WDR70: variants seen among roughly 807,000 people sequenced by gnomAD.
WDR70 encodes the protein WD repeat domain 70, also known as WD repeat-containing protein 70.
Under a neutral mutation model 88.6 loss-of-function variants are expected in WDR70, and 53 were observed. That is an observed-to-expected ratio of 0.60 (90% CI 0.48 to 0.75). The LOEUF is 0.75. Among genes scored for constraint, WDR70 ranks in the 30% least tolerant of loss-of-function variants. WDR70 has a pLI of 0.00. For synonymous variants in WDR70, 280 were observed against 270.0 expected (o/e 1.04, Z -0.36); for missense variants, 610 against 823.2 (o/e 0.74, Z 3.17).
At chr5:37,449,823 C>T (rs1455587023) in intron 7 of WDR70, among the ~76,000 whole-genome samples, 3 of 151,912 alleles carry the variant, frequency 2.0e-5, no homozygotes, top group African/African-American at 4.8e-5. Context: ...TAGGTATACA[C>T]GTACCATGAT....
chr5:37,418,755 TTTCTTC>T (rs986803082), intron 5 of WDR70, among the ~76,000 whole-genome samples: 21 of 152,108 alleles, frequency 1.4e-4, no homozygotes, highest in Non-Finnish European at 8.8e-5. Flanking sequence ...ATCAGTAATT[TTTCTTC>T]TTCTTTTTTT....
chr5:37,449,119 G>A (rs1200398515), intron 7 of WDR70, among the ~76,000 whole-genome samples: 2 of 152,196 alleles, frequency 1.3e-5, no homozygotes, highest in Non-Finnish European at 2.9e-5. Flanking sequence ...GAAAAATTTG[G>A]CTCCACTTCC....
intron 17 of WDR70, among the ~76,000 whole-genome samples, chr5:37,742,245 T>C (rs1248751998): frequency 6.6e-6 from 1 of 151,014 alleles, no homozygotes; most frequent in Non-Finnish European, 1.5e-5. Flanking sequence ...TCCTGGCCAA[T>C]ACTTGTTATT....
At chr5:37,743,058 G>GA (rs1368493899) in intron 17 of WDR70, among the ~76,000 whole-genome samples, 5 of 152,218 alleles carry the variant, frequency 3.3e-5, no homozygotes, top group East Asian at 3.9e-4. Context: ...GCTCCCATTG[G>GA]AAAAAAACAT....
intron 8 of WDR70, among the ~76,000 whole-genome samples, chr5:37,486,134 G>A (rs889509113): frequency 5.3e-5 from 8 of 152,004 alleles, no homozygotes; most frequent in South Asian, 2.1e-4. Context: ...TTTCTAGACC[G>A]TAACTACACT....
intron 9 of WDR70, among the ~76,000 whole-genome samples, chr5:37,539,428 T>C (rs1741752741): frequency 6.6e-6 from 1 of 152,178 alleles, no homozygotes; most frequent in Admixed American, 6.5e-5. Context: ...GAAAAGACCA[T>C]GTGAGGACAT....
At chr5:37,647,686 A>G (rs79873667) in intron 10 of WDR70, among the ~76,000 whole-genome samples, 10,206 of 152,278 alleles carry the variant, frequency 0.067, 417 homozygotes, top group South Asian at 0.14. Context: ...TCTCTGGATT[A>G]TCAGGCAGAG....
chr5:37,423,814 G>A (rs1369532944), intron 5 of WDR70, among the ~76,000 whole-genome samples: 4 of 145,082 alleles, frequency 2.8e-5, no homozygotes, highest in East Asian at 2.2e-4. Context: ...CGCCCGCCTC[G>A]GCCTCCCAAA....
intron 17 of WDR70, among the ~76,000 whole-genome samples, chr5:37,732,521 A>G (rs187784612): frequency 1.7e-4 from 26 of 152,216 alleles, no homozygotes; most frequent in Admixed American, 1.6e-3. Flanking sequence ...AACTTCAAGA[A>G]ATTTTTATCT....
chr5:37,542,638 A>T (rs1741862375), intron 9 of WDR70, among the ~76,000 whole-genome samples: 1 of 152,168 alleles, frequency 6.6e-6, no homozygotes, highest in Non-Finnish European at 1.5e-5. Context: ...CATGAAAGAA[A>T]GAGAGGTAAG....
At chr5:37,431,533 T>G (rs1007930344) in intron 5 of WDR70, among the ~76,000 whole-genome samples, 7 of 152,228 alleles carry the variant, frequency 4.6e-5, no homozygotes, top group African/African-American at 9.6e-5. Context: ...ACAGCCTTGA[T>G]GATTTTTTAA....
At chr5:37,593,591 A>G (rs1256422143) in intron 9 of WDR70, among the ~76,000 whole-genome samples, 1 of 152,216 alleles carries the variant, frequency 6.6e-6, no homozygotes, top group Non-Finnish European at 1.5e-5. Flanking sequence ...GCTATTGTGA[A>G]TAGTGCCACA....
intron 9 of WDR70, among the ~76,000 whole-genome samples, chr5:37,532,356 C>T (rs1255300269): frequency 6.6e-6 from 1 of 152,136 alleles, no homozygotes; most frequent in South Asian, 2.1e-4. Flanking sequence ...AATATGTTTT[C>T]CAAAGTTTTA....
intron 2 of WDR70, 73 bp from the exon 3 acceptor site, chr5:37,381,529 T>C: frequency 2.6e-6 from 3 of 1,148,088 alleles, no homozygotes; most frequent in Non-Finnish European, 3.9e-6. Flanking sequence ...TGTTTATTGA[T>C]CAGTATTGAT....
At chr5:37,507,430 A>C (rs1210501551) in intron 8 of WDR70, among the ~76,000 whole-genome samples, 1 of 152,180 alleles carries the variant, frequency 6.6e-6, no homozygotes, top group Non-Finnish European at 1.5e-5. Flanking sequence ...TAGTCACCCT[A>C]CTGTGCTGTC....
At chr5:37,426,073 A>G (rs1256566952) in intron 5 of WDR70, among the ~76,000 whole-genome samples, 1 of 152,206 alleles carries the variant, frequency 6.6e-6, no homozygotes, top group Non-Finnish European at 1.5e-5. Context: ...AGCTCTGACA[A>G]TGAACAAGAT....
chr5:37,433,557 G>A (rs186719348), intron 5 of WDR70, among the ~76,000 whole-genome samples: 76 of 152,154 alleles, frequency 5.0e-4, no homozygotes, highest in Non-Finnish European at 9.3e-4. Flanking sequence ...TATAAAAATG[G>A]CATAGTGCTG....
chr5:37,692,817 G>A (rs1206789443), intron 10 of WDR70, among the ~76,000 whole-genome samples: 1 of 152,168 alleles, frequency 6.6e-6, no homozygotes, highest in Non-Finnish European at 1.5e-5. Flanking sequence ...AGACAAGGAT[G>A]CCCTCTCTCA....
chr5:37,688,897 A>T (rs865874267), intron 10 of WDR70, among the ~76,000 whole-genome samples: 4 of 152,082 alleles, frequency 2.6e-5, no homozygotes, highest in Non-Finnish European at 5.9e-5. Flanking sequence ...CTCACCTGGG[A>T]AGCGCAAGGG....
Sources: allele counts gnomAD v4.1 joint callset (sites outside exome capture counted in the v4.1 genomes callset), GRCh38; gene constraint gnomAD v4.1.1; transcripts MANE v1.5; gene names NCBI Gene and HGNC (gene_info 2026-07-23, HGNC 2026-07-21).